Variants in UBR1 observed in about 807,000 individuals in gnomAD.
The protein encoded by UBR1 is E3 ubiquitin-protein ligase UBR1.
In UBR1, 102 loss-of-function variants were observed where a neutral mutation model predicts 242.1. The observed-to-expected ratio is 0.42, with a 90% CI of 0.36 to 0.50. The LOEUF (loss-of-function observed/expected upper bound fraction) is 0.50, where lower values mean the gene tolerates loss of function less well. UBR1 is among the 20% of genes least tolerant of loss of function. UBR1 has a pLI of 0.01. For synonymous variants in UBR1, 675 were observed against 684.8 expected (o/e 0.99, Z 0.22); for missense variants, 1,772 against 2,101.8 (o/e 0.84, Z 3.07).
chr15:43,080,095 G>C (rs2033958384), intron 3 of UBR1, among the ~76,000 whole-genome samples: 1 of 152,160 alleles, frequency 6.6e-6, no homozygotes, highest in Non-Finnish European at 1.5e-5. Flanking sequence ...TTTAGGTTTT[G>C]CAGGCCACAT....
intron 33 of UBR1, among the ~76,000 whole-genome samples, chr15:42,995,130 T>C (rs531521267): frequency 4.6e-5 from 7 of 152,248 alleles, no homozygotes; most frequent in African/African-American, 1.7e-4. Context: ...AAAGTGATAT[T>C]TCTACTTAAT....
At chr15:42,986,585 T>A (rs1439158057) in intron 35 of UBR1, among the ~76,000 whole-genome samples, 1 of 152,254 alleles carries the variant, frequency 6.6e-6, no homozygotes, top group Admixed American at 6.5e-5. Context: ...ACATTTCTTA[T>A]CAATTTGTTC....
Position 42,953,312 on chromosome 15 carries a change from A to G in UBR1, c.4836-864T>C, listed in dbSNP as rs1483767804. Among the ~76,000 whole-genome samples the G allele has an allele frequency of 5.3e-5, 8 of 152,348 alleles. No individual in the cohort carries two copies. In the East Asian group the frequency reaches 1.3e-3, roughly 26 times the overall value. ...ACACTGAACACAATGGGAAATATCAAATTCCTTAATTTGGGAAGTAGAAGA... is the reference window on the plus strand; with the variant it reads ...ACACTGAACACAATGGGAAATATCAGATTCCTTAATTTGGGAAGTAGAAGA... On this transcript the variant is annotated intron_variant, in intron 44 of 46. Transcript: ENST00000290650.
intron 37 of UBR1, among the ~76,000 whole-genome samples, chr15:42,978,760 G>GCT (rs1464709730): frequency 7.1e-6 from 1 of 140,926 alleles, no homozygotes; most frequent in African/African-American, 2.6e-5. Flanking sequence ...ACAGAATCTT[G>GCT]CTCTCTCATC....
intron 40 of UBR1, 51 bp from the exon 41 acceptor site, chr15:42,966,337 C>T (rs2032105592): frequency 1.9e-6 from 3 of 1,608,372 alleles, no homozygotes; most frequent in Non-Finnish European, 2.6e-6. Flanking sequence ...AGACTAAAGC[C>T]CTAGATTTAA....
In UBR1 at chr15:43,038,249, G is replaced by A. The variant is rs2033363181; in HGVS notation, c.1850-17C>T. The A allele has an allele frequency of 3.7e-6, 6 of 1,613,316 alleles. No individual in the cohort carries two copies. Among genetic ancestry groups the A allele is most frequent in the Non-Finnish European group, 5.1e-6 (6 of 1,179,402 alleles). ...CATGAAGACCTAAAGTTAAAAAAACGAGAGAGAAAATGAGAAAACAAACCC... is the reference window on the plus strand; with the variant it reads ...CATGAAGACCTAAAGTTAAAAAAACAAGAGAGAAAATGAGAAAACAAACCC... On this transcript the variant is annotated splice_polypyrimidine_tract_variant and intron_variant, in intron 15 of 46. Transcript: ENST00000290650.
In UBR1 at chr15:43,071,772, G is replaced by T. The variant is rs116768088; in HGVS notation, c.529-847C>A. Among the ~76,000 whole-genome samples the T allele has an allele frequency of 6.0e-3, 918 of 152,212 alleles. 11 individuals are homozygous for T. The highest frequency in any genetic ancestry group is 0.021 in the African/African-American group (873 of 41,532). On this transcript the variant is annotated intron_variant, in intron 4 of 46. Transcript: ENST00000290650. Reference sequence around the variant, plus strand: ...AAACATTAATAAAAAGCTTGTTCAAGCCAATGAGTTATGAAATCCATTTGA... The same window carrying T: ...AAACATTAATAAAAAGCTTGTTCAATCCAATGAGTTATGAAATCCATTTGA...
At chr15:42,950,582 T>C in intron 45 of UBR1, 1 of 557,038 alleles carries the variant, frequency 1.8e-6, no homozygotes, top group Non-Finnish European at 3.2e-6. Context: ...AGCAGTGGAT[T>C]TGGTGAAATG....
chr15:43,037,037 C>T (rs1488230728), intron 17 of UBR1, among the ~76,000 whole-genome samples: 1 of 151,702 alleles, frequency 6.6e-6, no homozygotes, highest in East Asian at 1.9e-4. Flanking sequence ...CTTTACAAGA[C>T]CTATTTCTCC....
chr15:42,954,896 C>T (rs892556882), intron 44 of UBR1, among the ~76,000 whole-genome samples: 1 of 151,926 alleles, frequency 6.6e-6, no homozygotes, highest in Non-Finnish European at 1.5e-5. Flanking sequence ...CGGCCAGGTG[C>T]GGTGGCTCAC....
intron 3 of UBR1, among the ~76,000 whole-genome samples, chr15:43,081,410 C>T (rs1177751380): frequency 7.2e-6 from 1 of 138,720 alleles, no homozygotes; most frequent in Non-Finnish European, 1.6e-5. Context: ...ACAGCGACAC[C>T]CCATCTCAAA....
At chr15:43,066,263 A>C (rs1371567873) in intron 6 of UBR1, among the ~76,000 whole-genome samples, 1 of 152,118 alleles carries the variant, frequency 6.6e-6, no homozygotes, top group African/African-American at 2.4e-5. Flanking sequence ...GTTTGTCAAT[A>C]ATCAGATGGT....
rs139564942 is a variant in UBR1, at chr15:43,030,058, A to G, written c.2265T>C (p.Tyr755=). 259 of 1,613,954 alleles carry G rather than the reference A, an allele frequency of 1.6e-4. 1 individual carries two copies. The highest frequency in any genetic ancestry group is 5.0e-4 in the Middle Eastern group (3 of 6,060). ...QVLIYIVGER[Y]VPGVGNVTKE... is the part of the protein sequence containing the mutation. Reference sequence around the variant, plus strand: ...TGGTCACATTTCCCACTCCAGGTACATAACGCTCACCTAGTTCAAATAATT... The same window carrying G: ...TGGTCACATTTCCCACTCCAGGTACGTAACGCTCACCTAGTTCAAATAATT... The change falls in exon 21 of 47, where the codon TAT becomes TAC. Residue 755 remains tyrosine, a synonymous_variant. Transcript: ENST00000290650.
In UBR1 at chr15:42,951,010, GGTGTT is replaced by G. The variant is rs753720311; in HGVS notation, c.5007-652_5007-648del. ...ACTTGCTGTGGGTTCCCTAAAAATA[GGTGTT>G]TGGGTTTGGCTTCCATACATTCTTT... On this transcript the variant is annotated intron_variant, in intron 45 of 46. Transcript: ENST00000290650. Among the ~76,000 whole-genome samples, 9 of 152,262 alleles carry G rather than the reference GGTGTT, an allele frequency of 5.9e-5. No individual in the cohort carries two copies. The East Asian group carries it at 1.2e-3, about 20-fold the overall frequency.
Position 42,976,757 on chromosome 15 carries a change from G to A in UBR1, c.4329C>T (p.Thr1443=), listed in dbSNP as rs1298656398. 6.2e-7 allele frequency: 1 copy of A among 1,614,072 alleles called. No individual in the cohort carries two copies. Among genetic ancestry groups the A allele is most frequent in the Non-Finnish European group, 8.5e-7 (1 of 1,180,004 alleles). ...YNHLYLFHLI[T]MAHMLQILLT... ...GTAGTATCTGAAGCATGTGTGCCATGGTGATCAAATGGAAGAGATAAAGGT... is the reference window on the plus strand; with the variant it reads ...GTAGTATCTGAAGCATGTGTGCCATAGTGATCAAATGGAAGAGATAAAGGT... Residue 1443 remains threonine (T), a synonymous_variant, in exon 39 of 47, where the codon ACC becomes ACT. Transcript: ENST00000290650.
At chr15:43,096,926 T>A (rs2034168715) in intron 1 of UBR1, among the ~76,000 whole-genome samples, 1 of 152,072 alleles carries the variant, frequency 6.6e-6, no homozygotes, top group African/African-American at 2.4e-5. Flanking sequence ...GTTGATATTT[T>A]GACCTCCTCC....
Position 43,059,189 on chromosome 15 carries a change from T to A in UBR1, c.989A>T (p.Asp330Val). 6.2e-7 allele frequency: 1 copy of A among 1,613,626 alleles called. No homozygotes were observed. Among genetic ancestry groups the A allele is most frequent in the Non-Finnish European group, 8.5e-7 (1 of 1,179,640 alleles). ...WMNKIMSYSS[D>V]FRQIFCQACL... ...TGCTTGGCAAAAGATCTGCCTAAAG[T>A]CACCTACAAACAAAAGAGGTCACAC... The change falls in exon 9 of 47, where the codon GAC becomes GTC. Residue 330 changes from aspartate (D) to valine (V), a missense_variant. By Grantham distance (152) the Asp-to-Val change is radical. Transcript: ENST00000290650.
intron 14 of UBR1, among the ~76,000 whole-genome samples, chr15:43,046,909 G>A (rs559094297): frequency 2.6e-5 from 4 of 152,126 alleles, no homozygotes; most frequent in East Asian, 1.9e-4. Flanking sequence ...GGGAATAAAC[G>A]TGTGTATAAA....
At chr15:43,098,899 C>T (rs1233183844) in intron 1 of UBR1, among the ~76,000 whole-genome samples, 2 of 152,168 alleles carry the variant, frequency 1.3e-5, no homozygotes, top group African/African-American at 2.4e-5. Flanking sequence ...AGTTTTCCCA[C>T]TCAGAGTGTG....
Sources: allele counts gnomAD v4.1 joint callset (sites outside exome capture counted in the v4.1 genomes callset), GRCh38; gene constraint gnomAD v4.1.1; transcripts MANE v1.5; gene names NCBI Gene and HGNC (gene_info 2026-07-23, HGNC 2026-07-21).